Variants in TENM3 observed in about 807,000 individuals in gnomAD.
TENM3 encodes the protein teneurin transmembrane protein 3.
In TENM3, 63 loss-of-function variants were observed where a neutral mutation model predicts 255.1. The ratio of observed to expected loss-of-function variants is 0.25; its 90% confidence interval spans 0.20 to 0.30. TENM3 has a LOEUF of 0.30. Ranked by LOEUF, TENM3 falls within the 10% of genes least tolerant of loss-of-function variation. The probability of loss-of-function intolerance (pLI) is 1.00; values close to 1 mark genes in which losing one functional copy is unlikely to be tolerated. For missense variants in TENM3, 2,929 were observed against 3,461.1 expected (o/e 0.85, Z 3.86); for synonymous variants, 1,306 against 1,322.3 (o/e 0.99, Z 0.27).
At chr4:182,634,486 C>G (rs10520538) in intron 5 of TENM3, among the ~76,000 whole-genome samples, 8,983 of 152,114 alleles carry the variant, frequency 0.059, 331 homozygotes, top group East Asian at 0.14. Flanking sequence ...TTGGAGTCAT[C>G]TTACCATTTT....
intron 1 of TENM3, among the ~76,000 whole-genome samples, chr4:182,256,014 T>A (rs749275913): frequency 6.6e-6 from 1 of 152,294 alleles, no homozygotes; most frequent in South Asian, 2.1e-4. Context: ...GTTTCTGCAA[T>A]CCCATTAAGG....
At chr4:181,611,267 A>C in the TENM3 span, among the ~76,000 whole-genome samples, 10 of 152,196 alleles carry the variant, frequency 6.6e-5, no homozygotes, top group Non-Finnish European at 1.5e-4. Flanking sequence ...TTTATTGCTA[A>C]CTGAAGCACA....
intron 3 of TENM3, among the ~76,000 whole-genome samples, chr4:182,398,587 A>G (rs1225641401): frequency 6.6e-6 from 1 of 152,208 alleles, no homozygotes; most frequent in East Asian, 1.9e-4. Flanking sequence ...AATGAGTCGC[A>G]TGCAGATAGG....
chr4:182,506,105 G>A (rs1436243220), intron 3 of TENM3, among the ~76,000 whole-genome samples: 1 of 152,112 alleles, frequency 6.6e-6, no homozygotes, highest in African/African-American at 2.4e-5. Context: ...TCAGCAAGAC[G>A]GAGTCAAGGA....
the TENM3 span, among the ~76,000 whole-genome samples, chr4:181,837,256 A>G: frequency 6.6e-6 from 1 of 152,134 alleles, no homozygotes; most frequent in Non-Finnish European, 1.5e-5. Context: ...CTAACATAAT[A>G]TTGAATGGAA....
At chr4:182,171,965 A>T (rs1171935315) in intron 1 of TENM3, among the ~76,000 whole-genome samples, 1 of 149,880 alleles carries the variant, frequency 6.7e-6, no homozygotes, top group Non-Finnish European at 1.5e-5. Context: ...GTCTGTTTTG[A>T]CTTCAAAAGA....
intron 1 of TENM3, among the ~76,000 whole-genome samples, chr4:182,286,809 GC>G (rs1760759210): frequency 6.6e-6 from 1 of 152,126 alleles, no homozygotes. Context: ...TTGCAGTCTT[GC>G]CCCCTCCTTT....
At chr4:182,463,634 T>G (rs1469178556) in intron 3 of TENM3, among the ~76,000 whole-genome samples, 2 of 151,898 alleles carry the variant, frequency 1.3e-5, no homozygotes, top group Non-Finnish European at 2.9e-5. Context: ...AATTTTTTTT[T>G]TTTTTTGAGA....
At chr4:181,899,943 T>C in the TENM3 span, among the ~76,000 whole-genome samples, 1 of 152,196 alleles carries the variant, frequency 6.6e-6, no homozygotes, top group African/African-American at 2.4e-5. Flanking sequence ...ACCTTTTTTC[T>C]TGATTTTTAA....
At chr4:182,298,413 G>A (rs1279054887) in intron 1 of TENM3, among the ~76,000 whole-genome samples, 1 of 152,172 alleles carries the variant, frequency 6.6e-6, no homozygotes, top group African/African-American at 2.4e-5. Flanking sequence ...ACAAAGAGTT[G>A]AACTGTTAGT....
At chr4:181,946,515 C>T in the TENM3 span, among the ~76,000 whole-genome samples, 2 of 152,178 alleles carry the variant, frequency 1.3e-5, no homozygotes, top group Non-Finnish European at 1.5e-5. Flanking sequence ...TTGTCCAAAC[C>T]TCTCATTGCA....
chr4:181,671,612 C>T, the TENM3 span, among the ~76,000 whole-genome samples: 7 of 152,154 alleles, frequency 4.6e-5, no homozygotes, highest in Admixed American at 2.0e-4. Flanking sequence ...TGGTGCTCGA[C>T]GTACATTATT....
the TENM3 span, among the ~76,000 whole-genome samples, chr4:181,530,794 T>C: frequency 1.3e-5 from 2 of 152,168 alleles, no homozygotes; most frequent in African/African-American, 2.4e-5. Flanking sequence ...GTAAATGTGT[T>C]GTATGTGTGT....
the TENM3 span, among the ~76,000 whole-genome samples, chr4:182,051,538 C>T: frequency 9.9e-5 from 15 of 151,754 alleles, no homozygotes; most frequent in African/African-American, 3.4e-4. Context: ...CCACCGCGCT[C>T]GGCTAATTTT....
At chr4:181,505,142 G>A in the TENM3 span, among the ~76,000 whole-genome samples, 3 of 152,180 alleles carry the variant, frequency 2.0e-5, no homozygotes, top group African/African-American at 7.2e-5. Context: ...GGTGTGCTGT[G>A]AGAAGCCCAG....
chr4:182,475,599 T>A (rs1433156537), intron 3 of TENM3, among the ~76,000 whole-genome samples: 1 of 152,214 alleles, frequency 6.6e-6, no homozygotes, highest in African/African-American at 2.4e-5. Context: ...AGATTGATAC[T>A]TTGGTAGCTT....
At chr4:182,518,045 C>T (rs981266444) in intron 3 of TENM3, among the ~76,000 whole-genome samples, 2 of 152,106 alleles carry the variant, frequency 1.3e-5, no homozygotes, top group South Asian at 2.1e-4. Flanking sequence ...TTTTCCTTCT[C>T]TTTTCTTTTT....
the TENM3 span, among the ~76,000 whole-genome samples, chr4:181,480,587 A>T: frequency 6.6e-6 from 1 of 151,988 alleles, no homozygotes; most frequent in Non-Finnish European, 1.5e-5. Context: ...TCTTTCTGCC[A>T]AAATTAACAT....
the TENM3 span, among the ~76,000 whole-genome samples, chr4:181,694,304 T>G: frequency 6.6e-6 from 1 of 152,202 alleles, no homozygotes. Flanking sequence ...ACAGATTCAT[T>G]TATTAATTAC....
Sources: allele counts gnomAD v4.1 joint callset (sites outside exome capture counted in the v4.1 genomes callset), GRCh38; gene constraint gnomAD v4.1.1; transcripts MANE v1.5; gene names NCBI Gene and HGNC (gene_info 2026-07-23, HGNC 2026-07-21).